The following EPB41L3 variants were observed in gnomAD, a reference collection of about 807,000 sequenced individuals.
The protein encoded by EPB41L3 is band 4.1-like protein 3.
EPB41L3 carries 57 observed loss-of-function variants against 127.1 expected under a neutral mutation model. The ratio of observed to expected loss-of-function variants is 0.45; its 90% CI spans 0.36 to 0.56. The LOEUF is 0.56. Ranked by LOEUF, EPB41L3 falls within the 20% of genes least tolerant of loss-of-function variation. The probability of loss-of-function intolerance (pLI) is 0.00; values close to 1 mark genes in which losing one functional copy is unlikely to be tolerated. For synonymous variants in EPB41L3, 572 were observed against 549.5 expected (o/e 1.04, Z -0.57); for missense variants, 1,273 against 1,372.2 (o/e 0.93, Z 1.14).
chr18:5,480,719 A>G (rs2088291600), intron 2 of EPB41L3, among the ~76,000 whole-genome samples: 1 of 152,216 alleles, frequency 6.6e-6, no homozygotes, highest in Non-Finnish European at 1.5e-5. Flanking sequence ...AATGACTAGA[A>G]GAGACAGGAC....
intron 1 of EPB41L3, among the ~76,000 whole-genome samples, chr18:5,490,030 T>A (rs1340762324): frequency 1.3e-5 from 2 of 152,236 alleles, no homozygotes; most frequent in Non-Finnish European, 2.9e-5. Flanking sequence ...CGTGCCTCAG[T>A]TTCCACATGT....
intron 1 of EPB41L3, among the ~76,000 whole-genome samples, chr18:5,520,917 C>T (rs2092964704): frequency 6.6e-6 from 1 of 152,156 alleles, no homozygotes; most frequent in South Asian, 2.1e-4. Flanking sequence ...TTTGCCAAAA[C>T]ATAAACTCAG....
chr18:5,501,814 G>A (rs1363419641), intron 1 of EPB41L3, among the ~76,000 whole-genome samples: 1 of 152,066 alleles, frequency 6.6e-6, no homozygotes, highest in Non-Finnish European at 1.5e-5. Flanking sequence ...AGCAATGGAT[G>A]GAGACTATAA....
intron 9 of EPB41L3, among the ~76,000 whole-genome samples, chr18:5,427,657 C>G (rs1414043320): frequency 6.6e-6 from 1 of 152,108 alleles, no homozygotes; most frequent in Non-Finnish European, 1.5e-5. Context: ...GCAGGACAAA[C>G]AGAAAGAGCA....
At chr18:5,534,423 A>T (rs539012379) in intron 1 of EPB41L3, among the ~76,000 whole-genome samples, 1 of 152,212 alleles carries the variant, frequency 6.6e-6, no homozygotes, top group South Asian at 2.1e-4. Flanking sequence ...TCGGGACATA[A>T]GGAGGTCTGG....
At chr18:5,549,053 AATAG>A (rs1366636602), upstream of EPB41L3, among the ~76,000 whole-genome samples, 11 of 152,360 alleles carry the variant, frequency 7.2e-5, no homozygotes, top group East Asian at 3.9e-4. Context: ...AGGAAGAAAT[AATAG>A]ATAGTAAGAC....
intron 3 of EPB41L3, chr18:5,570,735 A>G (rs1276708387): frequency 6.6e-6 from 1 of 152,114 alleles, no homozygotes; most frequent in Non-Finnish European, 1.5e-5. Flanking sequence ...TATATCTCCT[A>G]ATGCTATCCC....
At position 5,406,974 on chromosome 18, in the gene EPB41L3, T is replaced by C; in HGVS notation, c.2158-6A>G. On this transcript the variant is annotated splice_polypyrimidine_tract_variant and splice_region_variant and intron_variant, in intron 15 of 22. Transcript: ENST00000341928. ...TCTTGAGTTTTTTCTAGCTCCTATA[T>C]TCAGAACATAAAGTATCCAACAGTC... The C allele has an allele frequency of 6.2e-7, 1 of 1,612,942 alleles. No homozygotes were observed. Among genetic ancestry groups the C allele is most frequent in the South Asian group, 1.1e-5 (1 of 91,070 alleles).
At chr18:5,434,265 A>G (rs961934266) in intron 6 of EPB41L3, 144 bp from the exon 7 acceptor site, 6 of 639,084 alleles carry the variant, frequency 9.4e-6, no homozygotes, top group Non-Finnish European at 1.6e-5. Context: ...ATATATTTTG[A>G]TATTTACTTC....
At chr18:5,476,897 G>C (rs1046247251) in intron 3 of EPB41L3, among the ~76,000 whole-genome samples, 2 of 152,090 alleles carry the variant, frequency 1.3e-5, no homozygotes, top group Admixed American at 1.3e-4. Flanking sequence ...TTTTGTGCAC[G>C]GTCCTTGGGG....
At chr18:5,524,017 G>A (rs185754857) in intron 1 of EPB41L3, among the ~76,000 whole-genome samples, 2 of 152,162 alleles carry the variant, frequency 1.3e-5, no homozygotes, top group African/African-American at 2.4e-5. Flanking sequence ...ATATGTGTGT[G>A]TTAGGGGTGC....
chr18:5,570,692 T>C (rs1490438911), intron 3 of EPB41L3: 5 of 152,188 alleles, frequency 3.3e-5, no homozygotes, highest in Admixed American at 6.5e-5. Context: ...CATGTTGGTG[T>C]GCTGCACCCA....
chr18:5,598,143 A>G (rs553851496), intron 3 of EPB41L3, among the ~76,000 whole-genome samples: 1 of 152,256 alleles, frequency 6.6e-6, no homozygotes, highest in African/African-American at 2.4e-5. Flanking sequence ...TGAAACCCTT[A>G]TCTGAAACAG....
upstream of EPB41L3, chr18:5,544,408 A>AT (rs529752888): frequency 0.064 from 45,329 of 707,820 alleles, 755 homozygotes; most frequent in South Asian, 0.14. Context: ...GGACTGCAGT[A>AT]TTTTTTTTTT....
At chr18:5,570,726 A>G (rs910538069) in intron 3 of EPB41L3, 2 of 152,150 alleles carry the variant, frequency 1.3e-5, no homozygotes, top group Non-Finnish European at 2.9e-5. Flanking sequence ...TATATTAGGT[A>G]TATCTCCTAA....
At chr18:5,438,218 A>G (rs943183465) in intron 5 of EPB41L3, 108 bp from the exon 6 acceptor site, 2 of 914,688 alleles carry the variant, frequency 2.2e-6, no homozygotes, top group African/African-American at 3.4e-5. Context: ...GCAACTTTTG[A>G]CCATTAATGG....
In EPB41L3 at chr18:5,455,809, G is replaced by A. The variant is rs1322546516; in HGVS notation, c.382-10565C>T. On this transcript the variant is annotated intron_variant, in intron 3 of 22. Coordinates refer to ENST00000341928, the MANE Select transcript of EPB41L3 (RefSeq NM_012307.5). ...GAGTTTCACATCACACATACGAGAT[G>A]TTGGCAGCAAACTGTCAGACAACAT... 3.3e-5 allele frequency among the ~76,000 whole-genome samples: 5 copies of A among 150,706 alleles called. No homozygotes were observed. The East Asian group carries it at 9.7e-4, about 29-fold the overall frequency.
intron 1 of EPB41L3, among the ~76,000 whole-genome samples, chr18:5,527,155 A>C (rs944782326): frequency 4.6e-5 from 7 of 152,152 alleles, no homozygotes; most frequent in African/African-American, 1.7e-4. Flanking sequence ...AAAAGCATAA[A>C]GAATCCCAAG....
intron 1 of EPB41L3, among the ~76,000 whole-genome samples, chr18:5,498,518 TG>T (rs2091400479): frequency 7.2e-6 from 1 of 139,842 alleles, no homozygotes; most frequent in Admixed American, 8.1e-5. Flanking sequence ...CACTTGAACC[TG>T]GGAGGTGGAG....
Sources: allele counts gnomAD v4.1 joint callset (sites outside exome capture counted in the v4.1 genomes callset), GRCh38; gene constraint gnomAD v4.1.1; transcripts MANE v1.5; gene names NCBI Gene and HGNC (gene_info 2026-07-23, HGNC 2026-07-21).